The following PTPRS variants were observed in gnomAD, a reference collection of about 807,000 sequenced individuals.
PTPRS encodes the protein receptor-type tyrosine-protein phosphatase S.
PTPRS carries 63 observed loss-of-function variants against 215.3 expected under a neutral mutation model. That is an observed-to-expected ratio of 0.29 (90% CI 0.24 to 0.36). The LOEUF is 0.36. PTPRS is among the 10% of genes least tolerant of loss of function. PTPRS has a pLI of 1.00. For synonymous variants in PTPRS, 1,404 were observed against 1,191.4 expected (o/e 1.18, Z -3.68); for missense variants, 2,258 against 2,825.8 (o/e 0.80, Z 4.56).
At position 5,305,732 on chromosome 19, in the gene PTPRS, A is replaced by AACAT. The variant is rs2049461081; in HGVS notation, c.-94-19499_-94-19498insATGT. Among the ~76,000 whole-genome samples the AACAT allele has an allele frequency of 4.5e-4, 49 of 108,248 alleles. No individual in the cohort carries two copies. In the South Asian group the frequency reaches 0.013, roughly 28 times the overall value. 71.0% of individuals were successfully genotyped at this position (108,248 alleles called of 152,430 possible). On this transcript the variant is annotated intron_variant, in intron 1 of 37. Transcript: ENST00000262963. Reference sequence around the variant, plus strand: ...TGACAGAGGGAGACCCCGTCTCTGAAAAATAAATAAATAAATATATATATA... The same window carrying AACAT: ...TGACAGAGGGAGACCCCGTCTCTGAAACATAAATAAATAAATAAATATATATATA...
At chr19:5,328,515 G>C (rs1236060085) in intron 1 of PTPRS, among the ~76,000 whole-genome samples, 1 of 151,964 alleles carries the variant, frequency 6.6e-6, no homozygotes, top group Non-Finnish European at 1.5e-5. Flanking sequence ...TGGGATTATA[G>C]GCGTGAACCA....
intron 1 of PTPRS, among the ~76,000 whole-genome samples, chr19:5,305,171 C>T (rs1302472160): frequency 1.3e-5 from 2 of 152,248 alleles, no homozygotes; most frequent in Non-Finnish European, 2.9e-5. Flanking sequence ...GCTGGGCATA[C>T]AGCAGGTGCT....
Position 5,286,108 on chromosome 19 carries a change from A to C in PTPRS, c.33T>G (p.Ser11=). The C allele has an allele frequency of 6.2e-7, 1 of 1,614,154 alleles. No homozygotes were observed. The highest frequency in any genetic ancestry group is 1.3e-5 in the African/African-American group (1 of 75,060). Residue 11 remains serine (S), a synonymous_variant, in exon 2 of 38, where the codon TCT becomes TCG. Transcript: ENST00000262963. MAPTWGPGMV[S]VVGPMGLLVV... is the part of the protein sequence containing the mutation. ...CAAGGAGGCCCATGGGACCAACCACAGACACCATGCCAGGGCCCCAGGTGG... is the reference window on the plus strand; with the variant it reads ...CAAGGAGGCCCATGGGACCAACCACCGACACCATGCCAGGGCCCCAGGTGG...
Position 5,311,302 on chromosome 19 carries a change from C to T in PTPRS, c.-94-25068G>A, listed in dbSNP as rs146099906. ...TGGGATTATAGGCTGAGCCACTGCG[C>T]CCGGCCCCTATTTGTTCATTGTCCT... On this transcript the variant is annotated intron_variant, in intron 1 of 37. Coordinates refer to ENST00000262963, the MANE Select transcript of PTPRS (RefSeq NM_002850.4). 2.8e-4 allele frequency among the ~76,000 whole-genome samples: 42 copies of T among 152,304 alleles called. No homozygotes were observed. In the East Asian group the frequency reaches 7.9e-3, roughly 29 times the overall value.
chr19:5,247,124 T>C (rs564870883), intron 9 of PTPRS, among the ~76,000 whole-genome samples: 1 of 151,960 alleles, frequency 6.6e-6, no homozygotes, highest in East Asian at 1.9e-4. Context: ...ATATTAATTC[T>C]AGCAGATGTG....
At chr19:5,253,637 C>CA (rs1415282182) in intron 9 of PTPRS, among the ~76,000 whole-genome samples, 1 of 152,158 alleles carries the variant, frequency 6.6e-6, no homozygotes, top group Non-Finnish European at 1.5e-5. Flanking sequence ...AAAATGAGAT[C>CA]ATGAGATGAG....
intron 25 of PTPRS, 22 bp downstream of exon 25, chr19:5,218,398 G>A (rs371336851): frequency 1.2e-6 from 2 of 1,601,896 alleles, no homozygotes; most frequent in South Asian, 1.1e-5. Flanking sequence ...TGGCATCCCT[G>A]GTACCAGGGA....
intron 4 of PTPRS, among the ~76,000 whole-genome samples, chr19:5,269,434 G>C (rs779056203): frequency 6.6e-6 from 1 of 152,106 alleles, no homozygotes; most frequent in Non-Finnish European, 1.5e-5. Flanking sequence ...CAGAGGAGGA[G>C]GAAGGCAGGG....
intron 1 of PTPRS, among the ~76,000 whole-genome samples, chr19:5,331,617 G>A (rs536902880): frequency 3.6e-4 from 55 of 152,178 alleles, no homozygotes; most frequent in Middle Eastern, 3.4e-3. Context: ...GTGCCCAGGG[G>A]AGCAAAAGTG....
intron 1 of PTPRS, among the ~76,000 whole-genome samples, chr19:5,300,502 G>A (rs1254086439): frequency 2.0e-5 from 3 of 151,956 alleles, no homozygotes; most frequent in Middle Eastern, 3.2e-3. Context: ...CGGGTGTGGT[G>A]GCTTACACCT....
At chr19:5,317,567 G>A (rs1263568363) in intron 1 of PTPRS, among the ~76,000 whole-genome samples, 1 of 152,212 alleles carries the variant, frequency 6.6e-6, no homozygotes, top group African/African-American at 2.4e-5. Context: ...GTGACGGCAG[G>A]ATTTGAATCC....
chr19:5,303,963 T>TAATAATAAC (rs2049394841), intron 1 of PTPRS, among the ~76,000 whole-genome samples: 1 of 72,606 alleles, frequency 1.4e-5, no homozygotes, highest in Non-Finnish European at 2.7e-5. Context: ...AAAATAATAA[T>TAATAATAAC]AACAATAAAA....
At chr19:5,263,304 C>A (rs1316364695) in intron 5 of PTPRS, among the ~76,000 whole-genome samples, 1 of 152,056 alleles carries the variant, frequency 6.6e-6, no homozygotes, top group Admixed American at 6.5e-5. Flanking sequence ...GCGATTTGTC[C>A]CCCCAGTGTG....
chr19:5,336,622 C>T (rs1047297964), intron 1 of PTPRS, among the ~76,000 whole-genome samples: 1 of 152,146 alleles, frequency 6.6e-6, no homozygotes. Context: ...CTTCAAGCCC[C>T]GGATACGTGC....
chr19:5,210,950 C>T lies in PTPRS; in HGVS notation c.5235-145G>A, dbSNP rs2040820811. The T allele has an allele frequency of 9.0e-7, 1 of 1,117,308 alleles. No individual in the cohort carries two copies. The highest frequency in any genetic ancestry group is 1.2e-6 in the Non-Finnish European group (1 of 805,870). 69.2% of individuals were successfully genotyped at this position (1,117,308 alleles called of 1,614,324 possible). ...CTGCCAGGAATGGCTGCTGGGTGCA[C>T]CACTTCCCCTCCTGGTGATCCCATT... On this transcript the variant is annotated intron_variant, in intron 33 of 37. Transcript: ENST00000262963. The surrounding 1 kb of genome is among the most constrained non-coding windows in gnomAD (Gnocchi z 4.5).
intron 12 of PTPRS, 101 bp downstream of exon 12, chr19:5,240,098 G>A (rs1259377417): frequency 1.5e-6 from 2 of 1,318,086 alleles, no homozygotes; most frequent in East Asian, 2.9e-5. Context: ...AGAATCCGCA[G>A]CACACATAGG....
At chr19:5,298,073 C>T (rs1165188369) in intron 1 of PTPRS, among the ~76,000 whole-genome samples, 3 of 152,112 alleles carry the variant, frequency 2.0e-5, no homozygotes, top group Admixed American at 6.5e-5. Flanking sequence ...GGATTACAGG[C>T]GTGAGCCACA....
At chr19:5,215,723 G>T in intron 26 of PTPRS, 128 bp from the exon 27 acceptor site, 1 of 700,794 alleles carries the variant, frequency 1.4e-6, no homozygotes, top group South Asian at 1.9e-5. Flanking sequence ...TGGCCGGGGT[G>T]GGGCTTGGCA....
At position 5,338,722 on chromosome 19, in the gene PTPRS, G is replaced by A. The variant is rs2050588223; in HGVS notation, c.-95+1942C>T. 6.6e-6 allele frequency among the ~76,000 whole-genome samples: 1 copy of A among 152,122 alleles called. No homozygotes were observed. Among genetic ancestry groups the A allele is most frequent in the Non-Finnish European group, 1.5e-5 (1 of 68,014 alleles). On this transcript the variant is annotated intron_variant, in intron 1 of 37. Transcript: ENST00000262963. This position sits in a 1 kb window ranked among gnomAD's most constrained non-coding sequence, Gnocchi z 4.2. ...GGCACAAAGGAAGGGACCCTGGGAGGGGGAGGGGACTTATGCAAATGGCAG... is the reference window on the plus strand; with the variant it reads ...GGCACAAAGGAAGGGACCCTGGGAGAGGGAGGGGACTTATGCAAATGGCAG...
Sources: gnomAD v4.1 joint callset for allele counts (sites outside exome capture counted in the v4.1 genomes callset) on GRCh38, gnomAD v4.1.1 for gene constraint, Gnocchi (gnomAD v3.1) non-coding constraint, MANE v1.5 for transcripts, NCBI Gene and HGNC (gene_info 2026-07-23, HGNC 2026-07-21) for gene names.